NRXN1: variants seen among roughly 807,000 people sequenced by gnomAD.
NRXN1 encodes neurexin-1.
In NRXN1, 39 loss-of-function variants were observed where a neutral mutation model predicts 150.9. The ratio of observed to expected loss-of-function variants is 0.26; its 90% CI spans 0.20 to 0.34. The LOEUF (loss-of-function observed/expected upper bound fraction) is 0.34. NRXN1 is among the 10% of genes least tolerant of loss of function. The pLI is 1.00. For synonymous variants in NRXN1, 924 were observed against 757.0 expected (o/e 1.22, Z -3.62); for missense variants, 1,815 against 1,949.9 (o/e 0.93, Z 1.30).
At chr2:50,012,894 T>C (rs1412788942) in intron 21 of NRXN1, among the ~76,000 whole-genome samples, 1 of 152,156 alleles carries the variant, frequency 6.6e-6, no homozygotes, top group Non-Finnish European at 1.5e-5. Context: ...TCCTGAAGTA[T>C]TACTTCTGTG....
At chr2:50,966,721 G>A (rs7608415) in intron 2 of NRXN1, among the ~76,000 whole-genome samples, 79,680 of 151,606 alleles carry the variant, frequency 0.53, 21,766 homozygotes, top group Non-Finnish European at 0.62. Context: ...TGTATGGGTA[G>A]ATTGGCTGCC....
chr2:50,245,944 G>C lies in NRXN1; in HGVS notation c.3365-8974C>G, dbSNP rs2066458056. Reference sequence around the variant, plus strand: ...ATTTTTTTTTTCTATACAACAAAAAGCTAAGCTCAAATGACTAATTCTTAT... The same window carrying C: ...ATTTTTTTTTTCTATACAACAAAAACCTAAGCTCAAATGACTAATTCTTAT... On this transcript the variant is annotated intron_variant, in intron 17 of 22. Coordinates refer to ENST00000401669, the MANE Select transcript of NRXN1 (RefSeq NM_001330078.2). 2.6e-5 allele frequency among the ~76,000 whole-genome samples: 4 copies of C among 151,524 alleles called. No homozygotes were observed. The South Asian group carries it at 8.3e-4, about 32-fold the overall frequency.
rs1309636751 is a variant in NRXN1, at chr2:50,049,498, T to C, written c.4128+3773A>G. 2.6e-5 allele frequency among the ~76,000 whole-genome samples: 4 copies of C among 152,318 alleles called. No individual in the cohort carries two copies. The East Asian group carries it at 7.7e-4, about 29-fold the overall frequency. On this transcript the variant is annotated intron_variant, in intron 21 of 22. Transcript: ENST00000401669. ...AGTGGAAACCAGGTCTCCTCATTCA[T>C]CATGCTCTTTCCATTATACTACAAT...
At chr2:50,601,994 A>G (rs72884095) in intron 8 of NRXN1, among the ~76,000 whole-genome samples, 5,192 of 152,290 alleles carry the variant, frequency 0.034, 299 homozygotes, top group African/African-American at 0.12. Context: ...ACCAAGAATC[A>G]TAAGACCCAG....
At chr2:50,137,941 G>A (rs1419990550) in intron 18 of NRXN1, among the ~76,000 whole-genome samples, 4 of 152,180 alleles carry the variant, frequency 2.6e-5, no homozygotes, top group Non-Finnish European at 5.9e-5. Context: ...GACGGAAAAT[G>A]AGACATTTTA....
At chr2:50,266,596 A>T (rs1363297008) in intron 17 of NRXN1, among the ~76,000 whole-genome samples, 1 of 151,006 alleles carries the variant, frequency 6.6e-6, no homozygotes, top group Non-Finnish European at 1.5e-5. Context: ...AGAAGAACTA[A>T]GGTAAAGTTG....
At chr2:50,727,134 T>G (rs1256545150) in intron 5 of NRXN1, among the ~76,000 whole-genome samples, 1 of 152,170 alleles carries the variant, frequency 6.6e-6, no homozygotes, top group African/African-American at 2.4e-5. Flanking sequence ...AAGCAAGAAT[T>G]ATCAAGTATC....
At chr2:50,948,450 C>A (rs768132977) in intron 2 of NRXN1, among the ~76,000 whole-genome samples, 1 of 152,002 alleles carries the variant, frequency 6.6e-6, no homozygotes, top group African/African-American at 2.4e-5. Context: ...ATATACTGTG[C>A]AAGGAAAGTA....
In NRXN1 at chr2:50,138,961, G is replaced by A. The variant is rs192128365; in HGVS notation, c.3547-47467C>T. ...TCAGATGAAACGTGCCAAGTTGAGA[G>A]GTGCAGATAAAAGGTAAAGGTTTAT... On this transcript the variant is annotated intron_variant, in intron 18 of 22. Transcript: ENST00000401669. Among the ~76,000 whole-genome samples, 5 of 152,324 alleles carry A rather than the reference G, an allele frequency of 3.3e-5. No homozygotes were observed. The East Asian group carries it at 9.6e-4, about 29-fold the overall frequency.
At chr2:50,828,090 C>G (rs1157408120) in intron 5 of NRXN1, among the ~76,000 whole-genome samples, 30 of 151,648 alleles carry the variant, frequency 2.0e-4, no homozygotes, top group African/African-American at 7.2e-4. Flanking sequence ...CCGCCATTGT[C>G]ATCATGGCCC....
chr2:50,296,890 T>C (rs2073644064), intron 17 of NRXN1, among the ~76,000 whole-genome samples: 1 of 148,634 alleles, frequency 6.7e-6, no homozygotes, highest in Non-Finnish European at 1.5e-5. Context: ...TCTTTTTTTT[T>C]TTTTTTTTTT....
At chr2:50,616,193 C>G (rs1044535153) in intron 8 of NRXN1, 1 of 151,954 alleles carries the variant, frequency 6.6e-6, no homozygotes, top group Non-Finnish European at 1.5e-5. Context: ...AAAAAAACTA[C>G]TTTGATCTCT....
intron 5 of NRXN1, among the ~76,000 whole-genome samples, chr2:50,820,391 T>A (rs1669553871): frequency 6.6e-6 from 1 of 152,180 alleles, no homozygotes; most frequent in African/African-American, 2.4e-5. Flanking sequence ...TTAACTCACA[T>A]GACTGACAGT....
chr2:50,382,796 G>A (rs1382730424), intron 17 of NRXN1, among the ~76,000 whole-genome samples: 1 of 152,100 alleles, frequency 6.6e-6, no homozygotes, highest in Non-Finnish European at 1.5e-5. Context: ...GTGAATGTCA[G>A]TTGTCTCTGA....
chr2:50,380,921 T>A (rs1203799294), intron 17 of NRXN1, among the ~76,000 whole-genome samples: 1 of 152,128 alleles, frequency 6.6e-6, no homozygotes, highest in African/African-American at 2.4e-5. Flanking sequence ...CTCTAAAGAA[T>A]ACAGCCAGAA....
In NRXN1 at chr2:50,376,050, C is replaced by CAG. The variant is rs572941146; in HGVS notation, c.3364+89391_3364+89392insCT. ...GCACATAAATACATATATATATACA[C>CAG]ACACACACACACACACACATATTGA... On this transcript the variant is annotated intron_variant, in intron 17 of 22. Coordinates refer to ENST00000401669, the MANE Select transcript of NRXN1 (RefSeq NM_001330078.2). 8.1e-3 allele frequency among the ~76,000 whole-genome samples: 1,008 copies of CAG among 125,098 alleles called. 11 individuals are homozygous for CAG. Among genetic ancestry groups the CAG allele is most frequent in the South Asian group, 0.07 (278 of 3,976 alleles). 82.1% of individuals were successfully genotyped at this position (125,098 alleles called of 152,430 possible).
intron 5 of NRXN1, chr2:50,918,709 G>T: frequency 3.0e-6 from 1 of 335,284 alleles, no homozygotes. Context: ...CATAGGAAAA[G>T]AAACAAGAAC....
intron 5 of NRXN1, among the ~76,000 whole-genome samples, chr2:50,839,697 C>T (rs948914152): frequency 6.6e-6 from 1 of 152,102 alleles, no homozygotes; most frequent in South Asian, 2.1e-4. Context: ...CCTCTATATG[C>T]TGAGTATAGG....
At chr2:50,843,383 C>T (rs1466918566) in intron 5 of NRXN1, among the ~76,000 whole-genome samples, 1 of 151,994 alleles carries the variant, frequency 6.6e-6, no homozygotes, top group Non-Finnish European at 1.5e-5. Flanking sequence ...GTCTAGTTTT[C>T]CTGATAGAAA....
Sources: gnomAD v4.1 joint callset for allele counts (sites outside exome capture counted in the v4.1 genomes callset) on GRCh38, gnomAD v4.1.1 for gene constraint, MANE v1.5 for transcripts, NCBI Gene and HGNC (gene_info 2026-07-23, HGNC 2026-07-21) for gene names.